C4orf51: variants seen among roughly 807,000 people sequenced by gnomAD.
C4orf51 encodes the protein uncharacterized protein C4orf51.
In C4orf51, 25 loss-of-function variants were observed where a neutral mutation model predicts 25.2. That is an observed-to-expected ratio of 0.99 (90% CI 0.72 to 1.39). The LOEUF (loss-of-function observed/expected upper bound fraction) is 1.39. Ranked by LOEUF, C4orf51 falls within the 40% of genes most tolerant of loss-of-function variation. The pLI, the probability that C4orf51 is intolerant of heterozygous loss-of-function variation, is 0.00. For synonymous variants in C4orf51, 100 were observed against 84.5 expected (o/e 1.18, Z -1.01); for missense variants, 252 against 239.6 (o/e 1.05, Z -0.34).
the C4orf51 span, among the ~76,000 whole-genome samples, chr4:145,790,146 G>GT: frequency 3.3e-5 from 5 of 152,170 alleles, no homozygotes; most frequent in Non-Finnish European, 5.9e-5. Flanking sequence ...ACTGTATTAG[G>GT]TGACAGCAAA....
chr4:145,756,077 C>T (rs568622920), downstream of C4orf51, among the ~76,000 whole-genome samples: 13 of 152,170 alleles, frequency 8.5e-5, no homozygotes, highest in Non-Finnish European at 1.3e-4. Context: ...TGTGTCTTCC[C>T]CTTCAAATTG....
intron 1 of C4orf51, among the ~76,000 whole-genome samples, chr4:145,692,261 T>C (rs1186094918): frequency 2.6e-5 from 4 of 152,216 alleles, no homozygotes; most frequent in African/African-American, 2.4e-5. Flanking sequence ...GAAAAAACTA[T>C]GGTTCCACTC....
Position 145,680,252 on chromosome 4 carries a change from C to T in C4orf51, c.49C>T (p.Pro17Ser), listed in dbSNP as rs1451922203. The T allele has an allele frequency of 2.5e-6, 4 of 1,613,812 alleles. No homozygotes were observed. The South Asian group carries it at 3.3e-5, about 13-fold the overall frequency. The change falls in exon 1 of 6, where the codon CCT becomes TCT. Residue 17 changes from proline (P) to serine (S), a missense_variant. By Grantham distance (74) the Pro-to-Ser change is moderately conservative (BLOSUM62 -1). Transcript: ENST00000438731. ...TCCACAAATTCTTCTGCCCTTTAGC[C>T]CTCTTACTTCTCAAGAGTTTGATCT... ...LTPQILLPFS[P>S]LTSQEFDLIR... is the part of the protein sequence containing the mutation.
At chr4:145,769,872 G>T (rs1579103403) in intron 1 of C4orf51, among the ~76,000 whole-genome samples, 1 of 152,128 alleles carries the variant, frequency 6.6e-6, no homozygotes, top group East Asian at 1.9e-4. Flanking sequence ...TTAGGAAATT[G>T]AAACCATAAA....
chr4:145,768,537 G>A (rs1317955602), intron 1 of C4orf51, among the ~76,000 whole-genome samples: 1 of 152,010 alleles, frequency 6.6e-6, no homozygotes, highest in Non-Finnish European at 1.5e-5. Context: ...ACTTAAGAAT[G>A]TTAAGATGTC....
chr4:145,699,438 C>T (rs921321658), intron 2 of C4orf51, among the ~76,000 whole-genome samples: 1 of 151,942 alleles, frequency 6.6e-6, no homozygotes, highest in African/African-American at 2.4e-5. Context: ...CCTCTTTTTA[C>T]TGTCTTCTCC....
downstream of C4orf51, among the ~76,000 whole-genome samples, chr4:145,734,603 C>G (rs917919101): frequency 1.1e-4 from 17 of 152,178 alleles, no homozygotes; most frequent in African/African-American, 3.6e-4. Flanking sequence ...CCTGTTTCCC[C>G]ACTCCCGCCC....
chr4:145,697,070 A>C (rs1421937324), intron 2 of C4orf51, among the ~76,000 whole-genome samples: 1 of 150,766 alleles, frequency 6.6e-6, no homozygotes, highest in Non-Finnish European at 1.5e-5. Context: ...AACCAAACAA[A>C]CAAACAAAAA....
At chr4:145,767,868 C>A (rs1735551013) in intron 1 of C4orf51, among the ~76,000 whole-genome samples, 1 of 151,554 alleles carries the variant, frequency 6.6e-6, no homozygotes. Flanking sequence ...AAAGCCCAGG[C>A]AGAAGAAAAT....
downstream of C4orf51, among the ~76,000 whole-genome samples, chr4:145,771,616 G>A (rs1363904772): frequency 6.6e-6 from 1 of 152,228 alleles, no homozygotes; most frequent in African/African-American, 2.4e-5. Context: ...GAAAGAAGGT[G>A]AGGAGGGATC....
Position 145,717,386 on chromosome 4 carries a change from C to A in C4orf51, c.308-9525C>A, listed in dbSNP as rs1396523282. 4.6e-5 allele frequency among the ~76,000 whole-genome samples: 7 copies of A among 152,168 alleles called. 1 individual carries two copies. In the East Asian group the frequency reaches 1.2e-3, roughly 25 times the overall value. On this transcript the variant is annotated intron_variant, in intron 2 of 5. Transcript: ENST00000438731. ...GCCTTTTTCATTCTTTGCAAGTGGT[C>A]ATTTTCATATAACTGATGTTGCCTC...
chr4:145,703,508 C>T (rs964410924), intron 2 of C4orf51, among the ~76,000 whole-genome samples: 1 of 152,154 alleles, frequency 6.6e-6, no homozygotes, highest in Non-Finnish European at 1.5e-5. Context: ...GCATGAAACT[C>T]CTTATCTGAG....
In C4orf51 at chr4:145,764,883, C is replaced by T. The variant is rs1210413439; in HGVS notation, n.167-6105C>T. ...ACTAACTCCTCTCATACCAAGCTCC[C>T]CTTCTCCATGACTCCCAAAACCTTC... On this transcript the variant is annotated intron_variant and non_coding_transcript_variant, in intron 1 of 1. Coordinates refer to the C4orf51 transcript ENST00000510096. 10 of 1,526,614 alleles carry T rather than the reference C, an allele frequency of 6.6e-6. No homozygotes were observed. The East Asian group carries it at 9.0e-5, about 14-fold the overall frequency. The allele number at this position is 1,526,614 out of a possible 1,614,324, so 94.6% of individuals were successfully genotyped here.
rs1734782078 is a variant in C4orf51, at chr4:145,763,117, C to T, written n.167-7871C>T. 2.6e-6 allele frequency: 4 copies of T among 1,535,980 alleles called. No individual in the cohort carries two copies. The highest frequency in any genetic ancestry group is 3.5e-6 in the Non-Finnish European group (4 of 1,146,894). Reference sequence around the variant, plus strand: ...AGAGGAGTCTGAAACTCACCACTGTCCTGAGCTACGGCAAAAGAAAAATAA... The same window carrying T: ...AGAGGAGTCTGAAACTCACCACTGTTCTGAGCTACGGCAAAAGAAAAATAA... On this transcript the variant is annotated intron_variant and non_coding_transcript_variant, in intron 1 of 1. Transcript: ENST00000510096. The surrounding 1 kb of genome is among the most constrained non-coding windows in gnomAD (Gnocchi z 4.6).
At chr4:145,689,884 C>T (rs1349480663) in intron 1 of C4orf51, among the ~76,000 whole-genome samples, 1 of 152,190 alleles carries the variant, frequency 6.6e-6, no homozygotes, top group African/African-American at 2.4e-5. Context: ...GGATTAAAGA[C>T]TTAAATGTAA....
In C4orf51 at chr4:145,765,762, G is replaced by A; in HGVS notation, n.167-5226G>A. On this transcript the variant is annotated intron_variant and non_coding_transcript_variant, in intron 1 of 1. Transcript: ENST00000510096. This position sits in a 1 kb window ranked among gnomAD's most constrained non-coding sequence, Gnocchi z 4.7. The stretch of plus-strand genomic sequence containing the variant: ...CCCTGAAAAATAAGCAAATAACCCA[G>A]TCTGTTAATGAGATGAAAATCCTCA... The A allele has an allele frequency of 1.2e-6, 2 of 1,605,018 alleles. No homozygotes were observed. Among genetic ancestry groups the A allele is most frequent in the Non-Finnish European group, 1.7e-6 (2 of 1,175,092 alleles).
chr4:145,766,867 C>A (rs1420595469), intron 1 of C4orf51, among the ~76,000 whole-genome samples: 1 of 152,078 alleles, frequency 6.6e-6, no homozygotes, highest in Non-Finnish European at 1.5e-5. Context: ...TGGGTTAAAC[C>A]TAGATAAATC....
downstream of C4orf51, among the ~76,000 whole-genome samples, chr4:145,735,947 C>G (rs1049061053): frequency 6.6e-6 from 1 of 152,062 alleles, no homozygotes; most frequent in Non-Finnish European, 1.5e-5. Flanking sequence ...TGAGTGACAT[C>G]CGTCATCTGG....
At chr4:145,752,369 A>C (rs1733718663) in intron 1 of C4orf51, among the ~76,000 whole-genome samples, 1 of 152,154 alleles carries the variant, frequency 6.6e-6, no homozygotes. Flanking sequence ...GCAGGTGATG[A>C]ATGTTGCCAG....
Sources: gnomAD v4.1 joint callset for allele counts (sites outside exome capture counted in the v4.1 genomes callset) on GRCh38, gnomAD v4.1.1 for gene constraint, Gnocchi (gnomAD v3.1) non-coding constraint, MANE v1.5 for transcripts, NCBI Gene and HGNC (gene_info 2026-07-23, HGNC 2026-07-21) for gene names.